CGNL1: variants seen among roughly 807,000 people sequenced by gnomAD.
The protein encoded by CGNL1 is cingulin like 1, also known as cingulin-like protein 1.
CGNL1 carries 132 observed loss-of-function variants against 141.2 expected under a neutral mutation model. The observed-to-expected ratio is 0.93, with a 90% confidence interval of 0.81 to 1.08. CGNL1 has a LOEUF of 1.08. Among genes scored for constraint, CGNL1 ranks in the 50% least tolerant of loss-of-function variants. The probability of loss-of-function intolerance (pLI) is 0.00; values close to 1 mark genes in which losing one functional copy is unlikely to be tolerated. For missense variants in CGNL1, 1,870 were observed against 1,588.6 expected, an observed-to-expected ratio of 1.18 and a Z score of -3.01; for synonymous variants, 690 against 622.1, an observed-to-expected ratio of 1.11 and a Z score of -1.63.
intron 1 of CGNL1, among the ~76,000 whole-genome samples, chr15:57,431,475 T>C (rs201369114): frequency 1.9e-4 from 29 of 152,350 alleles, no homozygotes; most frequent in African/African-American, 6.7e-4. Flanking sequence ...GAAACTAATA[T>C]GTGTTTTGCT....
At chr15:57,477,981 G>T (rs1383627859) in intron 8 of CGNL1, among the ~76,000 whole-genome samples, 1 of 152,198 alleles carries the variant, frequency 6.6e-6, no homozygotes, top group East Asian at 1.9e-4. Flanking sequence ...GTAGCCACTG[G>T]TGTTGACCTT....
intron 8 of CGNL1, among the ~76,000 whole-genome samples, chr15:57,491,224 A>C (rs2063857795): frequency 6.6e-6 from 1 of 152,220 alleles, no homozygotes; most frequent in African/African-American, 2.4e-5. Flanking sequence ...GTGTGGGATG[A>C]AAGGGAATTT....
Position 57,550,506 on chromosome 15 carries a change from C to T in CGNL1, c.*3016C>T, listed in dbSNP as rs1315315640. ...ATGGCCAAATGCAATACTGAAGAGA[C>T]AATCATCCTGTATCTTTTATGGTTT... is the stretch of plus-strand genomic sequence containing the variant. On this transcript the variant is annotated 3_prime_UTR_variant, in exon 19 of 19. Transcript: ENST00000281282. The T allele has an allele frequency of 6.6e-6, 1 of 152,616 alleles. No individual in the cohort carries two copies. The highest frequency in any genetic ancestry group is 1.9e-4 in the East Asian group (1 of 5,202). The allele number at this position is 152,616 out of a possible 1,614,324, so 9.5% of individuals were successfully genotyped here.
chr15:57,490,416 G>A (rs112881394), intron 8 of CGNL1, among the ~76,000 whole-genome samples: 4 of 151,824 alleles, frequency 2.6e-5, no homozygotes, highest in Non-Finnish European at 4.4e-5. Flanking sequence ...ACACACGCAC[G>A]CACGCGTGCG....
At chr15:57,391,513 G>A (rs1189001741) in intron 1 of CGNL1, among the ~76,000 whole-genome samples, 1 of 152,202 alleles carries the variant, frequency 6.6e-6, no homozygotes, top group East Asian at 1.9e-4. Context: ...TGTGCTGAGT[G>A]TGGGATTATA....
intron 8 of CGNL1, among the ~76,000 whole-genome samples, chr15:57,494,382 G>A (rs912048263): frequency 5.3e-5 from 8 of 152,142 alleles, no homozygotes; most frequent in African/African-American, 1.9e-4. Flanking sequence ...CCCTCCTGTG[G>A]TTCTGTTGAA....
At chr15:57,449,283 C>G (rs147147656) in intron 4 of CGNL1, among the ~76,000 whole-genome samples, 31 of 152,346 alleles carry the variant, frequency 2.0e-4, no homozygotes, top group Middle Eastern at 3.4e-3. Context: ...GTGGACCTCT[C>G]TCCTCTCTCA....
At position 57,411,756 on chromosome 15, in the gene CGNL1, GT is replaced by G. The variant is rs796403383; in HGVS notation, c.-15-26217del. On this transcript the variant is annotated intron_variant, in intron 1 of 18. Transcript: ENST00000281282. The stretch of plus-strand genomic sequence containing the variant: ...ACCGCACCTGGCCCAGATCTCACTA[GT>G]TTTTTTTTTTTCTTCCCCAATTCTC... 2.0e-3 allele frequency among the ~76,000 whole-genome samples: 286 copies of G among 146,102 alleles called. 1 individual carries two copies. Among genetic ancestry groups the G allele is most frequent in the African/African-American group, 6.1e-3 (243 of 40,136 alleles).
chr15:57,446,307 A>C (rs1156435257), intron 4 of CGNL1, among the ~76,000 whole-genome samples: 1 of 152,272 alleles, frequency 6.6e-6, no homozygotes, highest in East Asian at 1.9e-4. Context: ...TACCATCTAG[A>C]TCAAGATATA....
intron 8 of CGNL1, among the ~76,000 whole-genome samples, chr15:57,474,702 A>T (rs1177076882): frequency 6.6e-6 from 1 of 152,200 alleles, no homozygotes; most frequent in African/African-American, 2.4e-5. Flanking sequence ...AAACATACAT[A>T]ATATATTGCT....
chr15:57,404,353 T>A (rs2062692293), intron 1 of CGNL1, among the ~76,000 whole-genome samples: 1 of 152,224 alleles, frequency 6.6e-6, no homozygotes, highest in Admixed American at 6.5e-5. Context: ...GCTCAGAGTT[T>A]TTAAAATGTT....
intron 1 of CGNL1, among the ~76,000 whole-genome samples, chr15:57,377,629 C>G (rs78938229): frequency 2.0e-5 from 3 of 152,174 alleles, no homozygotes; most frequent in Non-Finnish European, 2.9e-5. Flanking sequence ...CAACTTTAGA[C>G]AGTAGATGGT....
At chr15:57,483,363 A>G (rs111586774) in intron 8 of CGNL1, among the ~76,000 whole-genome samples, 1 of 151,924 alleles carries the variant, frequency 6.6e-6, no homozygotes, top group Admixed American at 6.6e-5. Context: ...CCTTCTGTTC[A>G]TTGCTAGTAT....
chr15:57,498,347 T>C (rs1290947778), intron 8 of CGNL1, among the ~76,000 whole-genome samples: 1 of 134,646 alleles, frequency 7.4e-6, no homozygotes, highest in Non-Finnish European at 1.6e-5. Flanking sequence ...TCTCCCGGGC[T>C]CAAGCGATTC....
chr15:57,383,298 T>TTTTTTTTTTTG (rs1555428834), intron 1 of CGNL1, among the ~76,000 whole-genome samples: 26,929 of 140,696 alleles, frequency 0.19, 2,144 homozygotes, highest in East Asian at 0.42. Flanking sequence ...CTTCCTTTTT[T>TTTTTTTTTTTG]TTTTTTTGTT....
chr15:57,536,731 G>A (rs1221479999), intron 14 of CGNL1, among the ~76,000 whole-genome samples: 1 of 152,128 alleles, frequency 6.6e-6, no homozygotes, highest in Non-Finnish European at 1.5e-5. Context: ...TAAGTGCTAG[G>A]CACTGTGCTG....
intron 7 of CGNL1, among the ~76,000 whole-genome samples, chr15:57,459,418 T>G (rs1345640824): frequency 6.6e-6 from 1 of 152,194 alleles, no homozygotes; most frequent in Non-Finnish European, 1.5e-5. Flanking sequence ...TTAAGTACTG[T>G]GAGAAGAACA....
chr15:57,547,250 C>A, intron 18 of CGNL1, 105 bp from the exon 19 acceptor site: 1 of 1,284,800 alleles, frequency 7.8e-7, no homozygotes, highest in Non-Finnish European at 1.1e-6. Context: ...TTCTGTGCCA[C>A]TCAGTGGGGT....
At chr15:57,532,179 C>T (rs1297223421) in intron 14 of CGNL1, among the ~76,000 whole-genome samples, 1 of 152,180 alleles carries the variant, frequency 6.6e-6, no homozygotes, top group Non-Finnish European at 1.5e-5. Flanking sequence ...ATTAAAAGCA[C>T]ATTCTATCAT....
Sources: gnomAD v4.1 joint callset for allele counts (sites outside exome capture counted in the v4.1 genomes callset) on GRCh38, gnomAD v4.1.1 for gene constraint, MANE v1.5 for transcripts, NCBI Gene and HGNC (gene_info 2026-07-23, HGNC 2026-07-21) for gene names.